Variants in CPM observed in about 807,000 individuals in gnomAD.
CPM encodes the protein carboxypeptidase M.
CPM carries 35 observed loss-of-function variants against 46.4 expected under a neutral mutation model. The ratio of observed to expected loss-of-function variants is 0.75; its 90% confidence interval spans 0.58 to 1.00. The LOEUF is 1.00. Among genes scored for constraint, CPM ranks in the 50% least tolerant of loss-of-function variants. The pLI is 0.00. For missense variants in CPM, 422 were observed against 530.4 expected (o/e 0.80, Z 2.01); for synonymous variants, 195 against 195.3 (o/e 1.00, Z 0.01).
At chr12:68,864,115 T>G (rs2136222813) in intron 7 of CPM, among the ~76,000 whole-genome samples, 1 of 152,320 alleles carries the variant, frequency 6.6e-6, no homozygotes, top group African/African-American at 2.4e-5. Context: ...TTGCATCTGA[T>G]TATAGAGACA....
intron 3 of CPM, among the ~76,000 whole-genome samples, chr12:68,880,196 T>A (rs528356738): frequency 6.6e-6 from 1 of 152,154 alleles, no homozygotes; most frequent in East Asian, 1.9e-4. Flanking sequence ...CAATCCAACA[T>A]GCCAATATGT....
intron 2 of CPM, among the ~76,000 whole-genome samples, chr12:68,922,634 T>C (rs1325526519): frequency 1.3e-5 from 2 of 151,912 alleles, no homozygotes; most frequent in Non-Finnish European, 2.9e-5. Flanking sequence ...TTTTTTTTTT[T>C]TTTGATGCAG....
chr12:68,856,174 G>T lies in CPM; in HGVS notation c.*263C>A. On this transcript the variant is annotated 3_prime_UTR_variant, in exon 9 of 9. Coordinates refer to ENST00000551568, the MANE Select transcript of CPM (RefSeq NM_198320.5). ...AGTTTTAACTTCTTACACATTTTAA[G>T]ACTACTTCAAGATTAATTTGAGTGT... 1 of 406,962 alleles carries T rather than the reference G, an allele frequency of 2.5e-6. No individual in the cohort carries two copies. The highest frequency in any genetic ancestry group is 4.4e-6 in the Non-Finnish European group (1 of 228,922). The allele number at this position is 406,962 out of a possible 1,614,324, so 25.2% of individuals were successfully genotyped here.
chr12:68,873,180 A>G (rs1292283002), intron 3 of CPM, among the ~76,000 whole-genome samples: 1 of 152,214 alleles, frequency 6.6e-6, no homozygotes, highest in African/African-American at 2.4e-5. Context: ...AGGCACATTC[A>G]TGTAGACACT....
chr12:68,954,418 TCCCTCTCCTTGAAGCACTA>T (rs1888980601), intron 1 of CPM, among the ~76,000 whole-genome samples: 1 of 152,254 alleles, frequency 6.6e-6, no homozygotes, highest in African/African-American at 2.4e-5. Flanking sequence ...TAGTTTACAC[TCCCTCTCCTTGAAGCACTA>T]CCCTCTCTTG....
chr12:68,871,788 C>T lies in CPM; in HGVS notation c.427G>A (p.Gly143Arg), dbSNP rs891753259. The change falls in exon 4 of 9, where the codon GGA (glycine) becomes AGA (arginine). Residue 143 changes from glycine to arginine, a missense_variant. Gly to Arg is a moderately radical substitution (Grantham distance 125, BLOSUM62 -2). Coordinates refer to ENST00000551568, the MANE Select transcript of CPM (RefSeq NM_198320.5). ...GATAGACCAGCCCCTCTTTACCTTC[C>T]GATGCTGTAATAACAGTCAGGCTTT... ...VKKPDCYYSI[G>R]RENYNQYDLN... 1.3e-5 allele frequency: 21 copies of T among 1,613,940 alleles called. No individual in the cohort carries two copies. Among genetic ancestry groups the T allele is most frequent in the African/African-American group, 6.7e-5 (5 of 74,884 alleles).
chr12:68,882,682 T>A (rs1278258145), intron 3 of CPM, among the ~76,000 whole-genome samples: 1 of 152,220 alleles, frequency 6.6e-6, no homozygotes, highest in African/African-American at 2.4e-5. Flanking sequence ...TCACCAGCAG[T>A]GTGTAAGTGA....
In CPM at chr12:68,852,212, T is replaced by C. The variant is rs372105626; in HGVS notation, c.*4225A>G. The C allele has an allele frequency of 6.6e-6, 1 of 152,390 alleles. No homozygotes were observed. The allele number at this position is 152,390 out of a possible 1,614,324, so 9.4% of individuals were successfully genotyped here. ...ATACATCCAACAGTTCATGTCTGAATGTAATTAAGCATCCAAATCAACACT... is the reference window on the plus strand; with the variant it reads ...ATACATCCAACAGTTCATGTCTGAACGTAATTAAGCATCCAAATCAACACT... On this transcript the variant is annotated 3_prime_UTR_variant, in exon 9 of 9. Coordinates refer to ENST00000551568, the MANE Select transcript of CPM (RefSeq NM_198320.5).
chr12:68,931,771 G>GAAAA (rs1284215314), intron 2 of CPM, among the ~76,000 whole-genome samples: 2 of 129,226 alleles, frequency 1.5e-5, no homozygotes, highest in African/African-American at 3.0e-5. Context: ...AAAAAAGAAA[G>GAAAA]AAAGAAAGAA....
At chr12:68,845,376 A>G (rs1884205243) in intron 5 of CPM, 1 of 210,820 alleles carries the variant, frequency 4.7e-6, no homozygotes, top group African/African-American at 2.3e-5. Flanking sequence ...GTTCAGAAGT[A>G]ACAAATTATA....
intron 1 of CPM, among the ~76,000 whole-genome samples, chr12:68,947,072 T>C (rs571292271): frequency 1.3e-5 from 2 of 152,306 alleles, no homozygotes; most frequent in South Asian, 4.1e-4. Context: ...GTTTTTTCCC[T>C]CTATTCCAGT....
intron 1 of CPM, among the ~76,000 whole-genome samples, chr12:68,954,275 G>A (rs528664408): frequency 7.9e-5 from 12 of 152,134 alleles, no homozygotes; most frequent in Non-Finnish European, 1.0e-4. Context: ...ACCTGGAAGC[G>A]TATGACATAC....
intron 1 of CPM, among the ~76,000 whole-genome samples, chr12:68,949,473 A>G (rs1398548968): frequency 6.6e-6 from 1 of 152,204 alleles, no homozygotes; most frequent in Non-Finnish European, 1.5e-5. Flanking sequence ...TTAAAGTTGT[A>G]ATTAGGAATT....
At chr12:68,952,840 C>T (rs182779271) in intron 1 of CPM, among the ~76,000 whole-genome samples, 1 of 152,300 alleles carries the variant, frequency 6.6e-6, no homozygotes, top group Non-Finnish European at 1.5e-5. Flanking sequence ...AGTTTCTTCA[C>T]AGAAGTAAGT....
intron 2 of CPM, among the ~76,000 whole-genome samples, chr12:68,915,734 T>C (rs1014329695): frequency 1.3e-5 from 2 of 152,190 alleles, no homozygotes; most frequent in African/African-American, 4.8e-5. Flanking sequence ...AAAGTTCTGG[T>C]AGACAGTAGG....
intron 1 of CPM, among the ~76,000 whole-genome samples, chr12:68,958,182 T>C (rs12824596): frequency 0.39 from 59,196 of 152,008 alleles, 12,769 homozygotes; most frequent in East Asian, 0.64. Flanking sequence ...AGTAGCATGA[T>C]TTATAATCCT....
At chr12:68,962,168 C>T (rs538529155) in intron 1 of CPM, among the ~76,000 whole-genome samples, 2 of 148,024 alleles carry the variant, frequency 1.4e-5, no homozygotes, top group East Asian at 3.9e-4. Flanking sequence ...CCACTGCACT[C>T]CAGCCTGGGC....
At chr12:68,899,120 T>G (rs1378763261) in intron 2 of CPM, among the ~76,000 whole-genome samples, 1 of 152,174 alleles carries the variant, frequency 6.6e-6, no homozygotes, top group Non-Finnish European at 1.5e-5. Flanking sequence ...GCACATCAGG[T>G]CAAATAGACT....
At chr12:68,844,314 C>T (rs1056181631) in intron 5 of CPM, 2 of 222,432 alleles carry the variant, frequency 9.0e-6, no homozygotes, top group African/African-American at 4.5e-5. Flanking sequence ...CCATGCCTGC[C>T]CACTTTAGAA....
Sources: gnomAD v4.1 joint callset for allele counts (sites outside exome capture counted in the v4.1 genomes callset) on GRCh38, gnomAD v4.1.1 for gene constraint, MANE v1.5 for transcripts, NCBI Gene and HGNC (gene_info 2026-07-23, HGNC 2026-07-21) for gene names.